The following TRAPPC9 variants were observed in gnomAD, a reference collection of about 807,000 sequenced individuals.
TRAPPC9 encodes the protein IKK2 binding protein.
TRAPPC9 carries 83 observed loss-of-function variants against 124.0 expected under a neutral mutation model. The observed-to-expected ratio is 0.67, with a 90% CI of 0.56 to 0.80. TRAPPC9 has a LOEUF of 0.80. Ranked by LOEUF, TRAPPC9 falls within the 30% of genes least tolerant of loss-of-function variation. The probability of loss-of-function intolerance (pLI) is 0.00; values close to 1 mark genes in which losing one functional copy is unlikely to be tolerated. For missense variants in TRAPPC9, 1,302 were observed against 1,508.3 expected (o/e 0.86, Z 2.27); for synonymous variants, 638 against 617.5 (o/e 1.03, Z -0.49).
At chr8:139,979,470 T>C (rs1037103161) in intron 19 of TRAPPC9, among the ~76,000 whole-genome samples, 6 of 152,180 alleles carry the variant, frequency 3.9e-5, no homozygotes, top group African/African-American at 1.4e-4. Flanking sequence ...CCTGGCGTCA[T>C]GGCTCCTGCA....
intron 17 of TRAPPC9, among the ~76,000 whole-genome samples, chr8:140,057,627 G>A (rs1004960919): frequency 3.3e-5 from 5 of 152,196 alleles, no homozygotes; most frequent in African/African-American, 9.6e-5. Context: ...GTTAAGGGAT[G>A]TGGTCAAACT....
intron 17 of TRAPPC9, among the ~76,000 whole-genome samples, chr8:140,115,668 G>T (rs2060869390): frequency 6.6e-6 from 1 of 152,170 alleles, no homozygotes; most frequent in Non-Finnish European, 1.5e-5. Context: ...ATGCAGTAAG[G>T]CCCAGCTGTA....
intron 17 of TRAPPC9, among the ~76,000 whole-genome samples, chr8:140,146,557 A>C (rs1418097698): frequency 6.6e-6 from 1 of 152,098 alleles, no homozygotes; most frequent in Non-Finnish European, 1.5e-5. Flanking sequence ...ATGTATCTCC[A>C]TTTTTTAAAA....
At chr8:139,836,094 C>T (rs1016530674) in intron 21 of TRAPPC9, among the ~76,000 whole-genome samples, 1 of 152,130 alleles carries the variant, frequency 6.6e-6, no homozygotes, top group South Asian at 2.1e-4. Flanking sequence ...GCGCAGCCTC[C>T]ACTTCCCAGG....
intron 19 of TRAPPC9, among the ~76,000 whole-genome samples, chr8:139,973,306 C>T (rs952494243): frequency 2.6e-5 from 4 of 152,212 alleles, no homozygotes; most frequent in African/African-American, 9.6e-5. Context: ...GGCCACGGGC[C>T]AGCGCCCCTG....
In TRAPPC9 at chr8:139,876,903, C is replaced by CA. The variant is rs1233156702; in HGVS notation, c.3055+8975dup. 7.9e-5 allele frequency among the ~76,000 whole-genome samples: 12 copies of CA among 152,328 alleles called. No individual in the cohort carries two copies. In the East Asian group the frequency reaches 1.2e-3, roughly 15 times the overall value. ...AGTTTGGACCTTGAGCCATGCTCCC[C>CA]AAATGTGAGAGCACCACATCTCCTC... is the stretch of plus-strand genomic sequence containing the variant. On this transcript the variant is annotated intron_variant, in intron 21 of 22. Coordinates refer to ENST00000438773, the MANE Select transcript of TRAPPC9 (RefSeq NM_001160372.4).
chr8:139,759,296 G>T (rs1018253160), intron 21 of TRAPPC9, among the ~76,000 whole-genome samples: 2 of 152,126 alleles, frequency 1.3e-5, no homozygotes, highest in Non-Finnish European at 2.9e-5. Context: ...AATACCTGCC[G>T]CTCACTGAGT....
At chr8:139,900,001 AG>A (rs1205211409) in intron 20 of TRAPPC9, among the ~76,000 whole-genome samples, 3 of 152,190 alleles carry the variant, frequency 2.0e-5, no homozygotes, top group African/African-American at 7.2e-5. Context: ...GCAGGTGGAA[AG>A]GAAGACTTCA....
At chr8:139,802,120 G>A (rs1006853981) in intron 21 of TRAPPC9, among the ~76,000 whole-genome samples, 4 of 152,138 alleles carry the variant, frequency 2.6e-5, no homozygotes, top group Non-Finnish European at 5.9e-5. Flanking sequence ...GTTGTCCCAC[G>A]CAACCCAGTA....
chr8:140,212,186 G>A (rs915388095), intron 17 of TRAPPC9, among the ~76,000 whole-genome samples: 6 of 152,232 alleles, frequency 3.9e-5, no homozygotes, highest in African/African-American at 1.2e-4. Context: ...TCAGGCAAGC[G>A]CAGGCCACCT....
chr8:139,749,490 C>T (rs184454680), intron 21 of TRAPPC9, among the ~76,000 whole-genome samples: 1 of 152,168 alleles, frequency 6.6e-6, no homozygotes, highest in Non-Finnish European at 1.5e-5. Flanking sequence ...CATCTCTGGG[C>T]GCCATGTCCA....
At chr8:139,822,142 TGAGCTG>T in intron 21 of TRAPPC9, among the ~76,000 whole-genome samples, 1 of 152,270 alleles carries the variant, frequency 6.6e-6, no homozygotes, top group Middle Eastern at 3.4e-3. Flanking sequence ...TACCTGGCGC[TGAGCTG>T]GGCCAGCTGT....
chr8:140,190,383 G>C (rs573784522), intron 17 of TRAPPC9, among the ~76,000 whole-genome samples: 1 of 152,144 alleles, frequency 6.6e-6, no homozygotes, highest in Non-Finnish European at 1.5e-5. Flanking sequence ...GCTTGAACTC[G>C]GGAGCCGGAG....
chr8:140,083,054 A>G (rs779968618), intron 17 of TRAPPC9, among the ~76,000 whole-genome samples: 13 of 152,176 alleles, frequency 8.5e-5, no homozygotes, highest in Non-Finnish European at 1.5e-4. Context: ...TCAGCTGGGC[A>G]TGGTGGCATG....
chr8:140,422,753 CA>C (rs34303137), intron 5 of TRAPPC9, among the ~76,000 whole-genome samples: 58 of 104,078 alleles, frequency 5.6e-4, no homozygotes, highest in East Asian at 3.4e-3. Context: ...GATTCTGTCT[CA>C]AAAAAAAAAA....
intron 6 of TRAPPC9, among the ~76,000 whole-genome samples, chr8:140,399,382 C>A (rs527912003): frequency 1.8e-4 from 27 of 152,324 alleles, no homozygotes; most frequent in African/African-American, 5.8e-4. Flanking sequence ...ACACTCAATG[C>A]CAGCCCATGA....
At chr8:140,164,209 A>G (rs1318356994) in intron 17 of TRAPPC9, among the ~76,000 whole-genome samples, 2 of 152,210 alleles carry the variant, frequency 1.3e-5, no homozygotes, top group African/African-American at 4.8e-5. Flanking sequence ...GCTTACAACC[A>G]AACTTCACAA....
intron 17 of TRAPPC9, among the ~76,000 whole-genome samples, chr8:140,048,067 G>C (rs1841734738): frequency 6.6e-6 from 1 of 152,236 alleles, no homozygotes; most frequent in South Asian, 2.1e-4. Context: ...AAGCCCCTCT[G>C]ATAGGCAGAC....
intron 21 of TRAPPC9, among the ~76,000 whole-genome samples, chr8:139,765,697 G>C (rs1352831836): frequency 6.6e-6 from 1 of 152,206 alleles, no homozygotes; most frequent in East Asian, 1.9e-4. Context: ...CCTGTGTGGG[G>C]TACGGAGGTG....
Sources: allele counts gnomAD v4.1 joint callset (sites outside exome capture counted in the v4.1 genomes callset), GRCh38; gene constraint gnomAD v4.1.1; transcripts MANE v1.5; gene names NCBI Gene and HGNC (gene_info 2026-07-23, HGNC 2026-07-21).